The following SNX29 variants were observed in gnomAD, a reference collection of about 807,000 sequenced individuals.
SNX29 encodes sorting nexin-29.
SNX29 carries 78 observed loss-of-function variants against 102.1 expected under a neutral mutation model. The observed-to-expected ratio is 0.76, with a 90% CI of 0.64 to 0.92. The LOEUF (loss-of-function observed/expected upper bound fraction) is 0.92, where lower values mean the gene tolerates loss of function less well. SNX29 is among the 40% of genes least tolerant of loss of function. The pLI is 0.00. For missense variants in SNX29, 1,280 were observed against 1,061.7 expected (o/e 1.21, Z -2.86); for synonymous variants, 580 against 414.5 (o/e 1.40, Z -4.85).
At chr16:12,548,030 T>G (rs558253164) in intron 20 of SNX29, among the ~76,000 whole-genome samples, 1 of 152,150 alleles carries the variant, frequency 6.6e-6, no homozygotes, top group Admixed American at 6.5e-5. Context: ...ACTGCTCATA[T>G]TGGTAAGGCA....
intron 15 of SNX29, among the ~76,000 whole-genome samples, chr16:12,343,134 A>G (rs549715857): frequency 6.2e-4 from 95 of 152,334 alleles, no homozygotes; most frequent in Non-Finnish European, 1.1e-3. Context: ...TTCGAAGGGA[A>G]TATGATTAAA....
chr16:12,563,011 T>G (rs2078817314), intron 20 of SNX29, among the ~76,000 whole-genome samples: 1 of 151,954 alleles, frequency 6.6e-6, no homozygotes, highest in South Asian at 2.1e-4. Context: ...AATGCGCCTT[T>G]CAAACCGTGT....
chr16:12,563,783 C>G (rs542698524), intron 20 of SNX29, among the ~76,000 whole-genome samples: 4 of 149,684 alleles, frequency 2.7e-5, no homozygotes. Flanking sequence ...GCCGACCTGT[C>G]TGAAGACTGC....
intron 11 of SNX29, chr16:12,088,069 A>T: frequency 2.2e-6 from 1 of 456,580 alleles, no homozygotes; most frequent in Non-Finnish European, 4.4e-6. Flanking sequence ...AGGCTGCATG[A>T]CTGGGAAGGA....
At chr16:12,496,798 G>C (rs542858540) in intron 19 of SNX29, among the ~76,000 whole-genome samples, 3 of 152,252 alleles carry the variant, frequency 2.0e-5, no homozygotes, top group East Asian at 3.9e-4. Flanking sequence ...GTTCCCTGCA[G>C]GGTTCGGGGA....
chr16:12,327,549 T>G (rs2081157103), intron 15 of SNX29, among the ~76,000 whole-genome samples: 1 of 152,168 alleles, frequency 6.6e-6, no homozygotes, highest in Non-Finnish European at 1.5e-5. Flanking sequence ...AACAGTCGTG[T>G]TGGGTTAGGG....
intron 20 of SNX29, among the ~76,000 whole-genome samples, chr16:12,543,089 G>A (rs559858182): frequency 6.6e-6 from 1 of 152,184 alleles, no homozygotes; most frequent in Non-Finnish European, 1.5e-5. Flanking sequence ...TGTTCTGTCT[G>A]GTGGAAAGAT....
intron 11 of SNX29, among the ~76,000 whole-genome samples, chr16:12,122,189 T>A (rs1257759272): frequency 6.6e-6 from 1 of 152,206 alleles, no homozygotes; most frequent in Admixed American, 6.5e-5. Context: ...GTCTCCACAG[T>A]CACCGTGGTG....
intron 1 of SNX29, 69 bp from the exon 2 acceptor site, chr16:11,999,228 G>A: frequency 1.4e-6 from 2 of 1,400,908 alleles, no homozygotes; most frequent in Non-Finnish European, 2.0e-6. Context: ...AGTAGGAAAG[G>A]ACTGATCTAG....
At chr16:12,524,167 C>T (rs2090206721) in intron 19 of SNX29, among the ~76,000 whole-genome samples, 1 of 152,170 alleles carries the variant, frequency 6.6e-6, no homozygotes, top group African/African-American at 2.4e-5. Flanking sequence ...CCTAGTTTTT[C>T]AAGAGAATAC....
intron 1 of SNX29, among the ~76,000 whole-genome samples, chr16:11,984,993 G>A (rs780077296): frequency 2.0e-5 from 3 of 151,224 alleles, no homozygotes; most frequent in Non-Finnish European, 4.4e-5. Flanking sequence ...AAGTAATGAT[G>A]CAGTGAACAT....
rs139810091 is a variant in SNX29 at position 12,566,565 on chromosome 16, A to G, written c.2319-1941A>G. On this transcript the variant is annotated intron_variant, in intron 20 of 20. Transcript: ENST00000566228. ...GAGGGGGTTGTGAGGGCATGGCTTT[A>G]AACTGACTTTTACATCCAAGCCTTC... Among the ~76,000 whole-genome samples the G allele has an allele frequency of 4.6e-5, 7 of 152,296 alleles. No individual in the cohort carries two copies. The East Asian group carries it at 1.4e-3, about 29-fold the overall frequency.
intron 19 of SNX29, among the ~76,000 whole-genome samples, chr16:12,495,352 A>C (rs553783838): frequency 3.3e-5 from 5 of 151,798 alleles, no homozygotes; most frequent in African/African-American, 9.7e-5. Context: ...GGGTTTCACC[A>C]TGTTGTCCAG....
intron 20 of SNX29, among the ~76,000 whole-genome samples, chr16:12,549,828 C>T (rs561215409): frequency 6.6e-6 from 1 of 152,376 alleles, no homozygotes; most frequent in Non-Finnish European, 1.5e-5. Flanking sequence ...TGTGGCCAGG[C>T]CTTGCCTCCT....
chr16:12,380,790 CACCCACA>C, intron 16 of SNX29, among the ~76,000 whole-genome samples: 1 of 69,898 alleles, frequency 1.4e-5, no homozygotes, highest in African/African-American at 4.0e-5. Context: ...TCCACCCATC[CACCCACA>C]CACCATCCAT....
chr16:12,425,558 AAGAG>A (rs1164938806), intron 18 of SNX29, among the ~76,000 whole-genome samples: 1 of 134,526 alleles, frequency 7.4e-6, no homozygotes, highest in South Asian at 2.2e-4. Flanking sequence ...AAAAAATAAA[AAGAG>A]GGAATAGAAA....
chr16:12,567,792 C>T (rs1176393693), intron 20 of SNX29, among the ~76,000 whole-genome samples: 3 of 152,140 alleles, frequency 2.0e-5, no homozygotes, highest in African/African-American at 2.4e-5. Flanking sequence ...AATGCAACCA[C>T]ATCACAGGAC....
intron 8 of SNX29, among the ~76,000 whole-genome samples, chr16:12,054,646 C>T (rs935046635): frequency 6.6e-6 from 1 of 152,218 alleles, no homozygotes; most frequent in African/African-American, 2.4e-5. Context: ...CTTCACCACA[C>T]CCCCAGCTTT....
At chr16:12,552,600 G>A (rs777318133) in intron 20 of SNX29, among the ~76,000 whole-genome samples, 1 of 152,182 alleles carries the variant, frequency 6.6e-6, no homozygotes, top group Non-Finnish European at 1.5e-5. Context: ...ATATTCTCAT[G>A]GGGATGACTA....
Sources: allele counts gnomAD v4.1 joint callset (sites outside exome capture counted in the v4.1 genomes callset), GRCh38; gene constraint gnomAD v4.1.1; transcripts MANE v1.5; gene names NCBI Gene and HGNC (gene_info 2026-07-23, HGNC 2026-07-21).